The following SFT2D2 variants were observed in gnomAD, a reference collection of about 807,000 sequenced individuals.
SFT2D2 encodes the protein SFT2 domain containing 2.
In SFT2D2, 21 loss-of-function variants were observed where a neutral mutation model predicts 27.4. The observed-to-expected ratio is 0.77, with a 90% CI of 0.54 to 1.10. The LOEUF is 1.10. Among genes scored for constraint, SFT2D2 ranks in the 50% least tolerant of loss-of-function variants. The pLI is 0.00. For missense variants in SFT2D2, 187 were observed against 194.2 expected (o/e 0.96, Z 0.22); for synonymous variants, 72 against 71.7 (o/e 1.00, Z -0.02).
Position 168,247,590 on chromosome 1 carries a change from T to G in SFT2D2, c.*5050T>G, listed in dbSNP as rs1647854398. 1 of 152,698 alleles carries G rather than the reference T, an allele frequency of 6.5e-6. No homozygotes were observed. The highest frequency in any genetic ancestry group is 2.1e-4 in the South Asian group (1 of 4,846). 9.5% of individuals were successfully genotyped at this position (152,698 alleles called of 1,614,324 possible). A position where few individuals can be genotyped will look rare whatever the true frequency, so the allele number is the denominator to read the frequency against. On this transcript the variant is annotated 3_prime_UTR_variant, in exon 8 of 8. Coordinates refer to ENST00000271375, the MANE Select transcript of SFT2D2 (RefSeq NM_199344.3). ...AGTCTATAATTGATGGACATTTGGG[T>G]TGGTTCCAAGTCTTTGCTGTTGTGA...
In SFT2D2 at chr1:168,226,075, C is replaced by A; in HGVS notation, c.-5C>A. Reference sequence around the variant, plus strand: ...GGAGCTGGAGCTGGTGGGGACTGGGCCGCAATGGACAAGCTGAAGAAGGTG... The same window carrying A: ...GGAGCTGGAGCTGGTGGGGACTGGGACGCAATGGACAAGCTGAAGAAGGTG... On this transcript the variant is annotated 5_prime_UTR_variant, in exon 1 of 8. Coordinates refer to ENST00000271375, the MANE Select transcript of SFT2D2 (RefSeq NM_199344.3). The A allele has an allele frequency of 1.3e-6, 2 of 1,530,974 alleles. No individual in the cohort carries two copies. The highest frequency in any genetic ancestry group is 1.8e-6 in the Non-Finnish European group (2 of 1,137,944). The allele number at this position is 1,530,974 out of a possible 1,614,324, so 94.8% of individuals were successfully genotyped here.
intron 3 of SFT2D2, among the ~76,000 whole-genome samples, chr1:168,233,913 G>T (rs986599140): frequency 2.6e-5 from 4 of 152,202 alleles, no homozygotes; most frequent in African/African-American, 9.7e-5. Flanking sequence ...TTCTTATTCG[G>T]TGTAGGTTAA....
Position 168,231,854 on chromosome 1 carries a change from G to T in SFT2D2, c.171G>T (p.Val57=), listed in dbSNP as rs199767613. ...CSLLGTVLLW[V]PRKGLHLFAV... is the part of the protein sequence containing the mutation. ...TCCAGGGTACTGTTCTGCTGTGGGT[G>T]CCCAGGAAGGGACTACACCTCTTCG... is the stretch of plus-strand genomic sequence containing the variant. Residue 57 remains valine (V), a synonymous_variant, in exon 3 of 8, where the codon GTG becomes GTT. Coordinates refer to ENST00000271375, the MANE Select transcript of SFT2D2 (RefSeq NM_199344.3). 33 of 1,614,008 alleles carry T rather than the reference G, an allele frequency of 2.0e-5. No individual in the cohort carries two copies. Among genetic ancestry groups the T allele is most frequent in the Non-Finnish European group, 2.8e-5 (33 of 1,180,008 alleles).
chr1:168,226,238 T>C, intron 1 of SFT2D2, 96 bp downstream of exon 1: 2 of 1,122,612 alleles, frequency 1.8e-6, no homozygotes, highest in Non-Finnish European at 2.5e-6. Context: ...CCCTGGAGTT[T>C]CTGGACGGTA....
rs1311675049 is a variant in SFT2D2 at position 168,245,735 on chromosome 1, T to A, written c.*3195T>A. Reference sequence around the variant, plus strand: ...AACCTCTGCTACAGAGGATCCAGATTTAAATTCAGAAGAAGCTTCATCTAT... The same window carrying A: ...AACCTCTGCTACAGAGGATCCAGATATAAATTCAGAAGAAGCTTCATCTAT... On this transcript the variant is annotated 3_prime_UTR_variant, in exon 8 of 8. Coordinates refer to ENST00000271375, the MANE Select transcript of SFT2D2 (RefSeq NM_199344.3). 3.3e-5 allele frequency: 5 copies of A among 152,668 alleles called. No homozygotes were observed. Among genetic ancestry groups the A allele is most frequent in the Non-Finnish European group, 5.8e-5 (4 of 68,412 alleles). The allele number at this position is 152,668 out of a possible 1,614,324, so 9.5% of individuals were successfully genotyped here.
chr1:168,245,022 AAGAC>A lies in SFT2D2; in HGVS notation c.*2486_*2489del, dbSNP rs1439633588. 6 of 152,240 alleles carry A rather than the reference AAGAC, an allele frequency of 3.9e-5. No individual in the cohort carries two copies. Among genetic ancestry groups the A allele is most frequent in the African/African-American group, 1.2e-4 (5 of 41,458 alleles). 9.4% of individuals were successfully genotyped at this position (152,240 alleles called of 1,614,324 possible). ...AATGTTTTCCCCTAAGATTGAGAAT[AAGAC>A]AGAGATGTCAACTCTTACCACTTCT... On this transcript the variant is annotated 3_prime_UTR_variant, in exon 8 of 8. Coordinates refer to ENST00000271375, the MANE Select transcript of SFT2D2 (RefSeq NM_199344.3).
chr1:168,230,815 C>G (rs1289916542), intron 1 of SFT2D2, among the ~76,000 whole-genome samples: 1 of 152,166 alleles, frequency 6.6e-6, no homozygotes, highest in Non-Finnish European at 1.5e-5. Flanking sequence ...CTGGGAGCTA[C>G]TCACAGGCTC....
In SFT2D2 at chr1:168,243,006, T is replaced by C; in HGVS notation, c.*466T>C. On this transcript the variant is annotated 3_prime_UTR_variant, in exon 8 of 8. Transcript: ENST00000271375. ...GCATAGAGTGAGTCTGCTTCTACTC[T>C]GGCATCTGAGAACAAGTGACTCTGC... The C allele has an allele frequency of 5.8e-6, 1 of 172,050 alleles. No homozygotes were observed. Among genetic ancestry groups the C allele is most frequent in the Non-Finnish European group, 1.3e-5 (1 of 78,950 alleles). The allele number at this position is 172,050 out of a possible 1,614,324, so 10.7% of individuals were successfully genotyped here.
At chr1:168,229,108 C>A (rs565968208) in intron 1 of SFT2D2, among the ~76,000 whole-genome samples, 1 of 152,156 alleles carries the variant, frequency 6.6e-6, no homozygotes, top group African/African-American at 2.4e-5. Flanking sequence ...TGGATGGATT[C>A]AGCTTGAGAG....
Position 168,252,667 on chromosome 1 carries a change from A to G in SFT2D2, c.*10127A>G, listed in dbSNP as rs553210146. On this transcript the variant is annotated 3_prime_UTR_variant, in exon 8 of 8. Transcript: ENST00000271375. ...GATTTTGATTGTGAAGTTGGGAGTG[A>G]GGACATTCAAAAGCCCATGGTGAAT... 6.6e-6 allele frequency: 1 copy of G among 152,320 alleles called. No homozygotes were observed. Among genetic ancestry groups the G allele is most frequent in the African/African-American group, 2.4e-5 (1 of 41,568 alleles). 9.4% of individuals were successfully genotyped at this position (152,320 alleles called of 1,614,324 possible).
intron 3 of SFT2D2, among the ~76,000 whole-genome samples, chr1:168,234,598 A>G (rs1321793415): frequency 6.6e-6 from 1 of 152,218 alleles, no homozygotes; most frequent in African/African-American, 2.4e-5. Flanking sequence ...TCAACAAATA[A>G]CCCATGATGA....
Position 168,236,749 on chromosome 1 carries a change from T to C in SFT2D2, c.392T>C (p.Leu131Ser), listed in dbSNP as rs369465840. Reference sequence around the variant, plus strand: ...GGACTTGCACTTATCTTCTGCATTTTGCAGTCTTTGGCATTGACGTGGTAA... The same window carrying C: ...GGACTTGCACTTATCTTCTGCATTTCGCAGTCTTTGGCATTGACGTGGTAA... ...NKGLALIFCI[L>S]QSLALTWYSL... Residue 131 changes from leucine (L) to serine (S), a missense_variant, in exon 6 of 8, where the codon TTG becomes TCG. By Grantham distance (145) the Leu-to-Ser change is moderately radical. Transcript: ENST00000271375. 2.5e-5 allele frequency: 41 copies of C among 1,614,136 alleles called. No individual in the cohort carries two copies. The highest frequency in any genetic ancestry group is 3.4e-5 in the Non-Finnish European group (40 of 1,180,048).
chr1:168,252,671 C>T lies in SFT2D2; in HGVS notation c.*10131C>T, dbSNP rs1647975269. On this transcript the variant is annotated 3_prime_UTR_variant, in exon 8 of 8. Coordinates refer to ENST00000271375, the MANE Select transcript of SFT2D2 (RefSeq NM_199344.3). ...TTGATTGTGAAGTTGGGAGTGAGGACATTCAAAAGCCCATGGTGAATGCAT... is the reference window on the plus strand; with the variant it reads ...TTGATTGTGAAGTTGGGAGTGAGGATATTCAAAAGCCCATGGTGAATGCAT... The T allele has an allele frequency of 6.6e-6, 1 of 152,114 alleles. No individual in the cohort carries two copies. Among genetic ancestry groups the T allele is most frequent in the African/African-American group, 2.4e-5 (1 of 41,434 alleles). The allele number at this position is 152,114 out of a possible 1,614,324, so 9.4% of individuals were successfully genotyped here.
At position 168,226,117 on chromosome 1, in the gene SFT2D2, C is replaced by T; in HGVS notation, c.38C>T (p.Thr13Met). ...AAGAAGGTGCTGAGCGGGCAGGACA[C>T]GGAGGACCGGAGCGGCCTGTCCGAG... ...KLKKVLSGQD[T>M]EDRSGLSEVV... Residue 13 changes from threonine (T) to methionine (M), a missense_variant, in exon 1 of 8, where the codon ACG becomes ATG. Physicochemically the swap from Thr to Met is moderately conservative, Grantham distance 81 (BLOSUM62 -1). Transcript: ENST00000271375. The T allele has an allele frequency of 6.5e-7, 1 of 1,535,284 alleles. No individual in the cohort carries two copies. Among genetic ancestry groups the T allele is most frequent in the Non-Finnish European group, 8.8e-7 (1 of 1,140,300 alleles).
At chr1:168,229,273 G>A (rs1465015349) in intron 1 of SFT2D2, among the ~76,000 whole-genome samples, 5 of 152,220 alleles carry the variant, frequency 3.3e-5, no homozygotes, top group African/African-American at 1.2e-4. Flanking sequence ...AGGCTGGAGT[G>A]CAGTGGCTCG....
In SFT2D2 at chr1:168,231,863, G is replaced by C. The variant is rs150226246; in HGVS notation, c.180G>C (p.Lys60Asn). Residue 60 changes from lysine to asparagine, a missense_variant, in exon 3 of 8, where the codon AAG becomes AAC. Lys to Asn is a moderately conservative substitution (Grantham distance 94). Transcript: ENST00000271375. ...CTGTTCTGCTGTGGGTGCCCAGGAA[G>C]GGACTACACCTCTTCGCAGTGTTTT... is the stretch of plus-strand genomic sequence containing the variant. The part of the protein sequence containing the change: ...LGTVLLWVPR[K>N]GLHLFAVFYT... 8 of 1,614,044 alleles carry C rather than the reference G, an allele frequency of 5.0e-6. No homozygotes were observed. The African/African-American group carries it at 1.1e-4, about 22-fold the overall frequency.
chr1:168,237,573 T>A (rs1213139222), intron 6 of SFT2D2, among the ~76,000 whole-genome samples: 1 of 152,320 alleles, frequency 6.6e-6, no homozygotes, highest in East Asian at 1.9e-4. Flanking sequence ...TAGATGTGAC[T>A]CACCTATTTT....
chr1:168,231,636 AC>A (rs769621150), intron 2 of SFT2D2, 36 bp downstream of exon 2: 2 of 1,596,910 alleles, frequency 1.3e-6, no homozygotes, highest in Non-Finnish European at 1.7e-6. Context: ...TTTTCCTTCT[AC>A]CTGTCTTTGC....
intron 7 of SFT2D2, among the ~76,000 whole-genome samples, chr1:168,240,103 A>G (rs1449564952): frequency 6.8e-6 from 1 of 147,700 alleles, no homozygotes; most frequent in Non-Finnish European, 1.5e-5. Context: ...TGAACCCAGG[A>G]GGCGGAGCTT....
Sources: gnomAD v4.1 joint callset for allele counts (sites outside exome capture counted in the v4.1 genomes callset) on GRCh38, gnomAD v4.1.1 for gene constraint, MANE v1.5 for transcripts, NCBI Gene and HGNC (gene_info 2026-07-23, HGNC 2026-07-21) for gene names.